NR3C1: variants seen among roughly 807,000 people sequenced by gnomAD.
NR3C1 encodes glucocorticoid receptor.
Under a neutral mutation model 74.0 loss-of-function variants are expected in NR3C1, and 14 were observed. The observed-to-expected ratio is 0.19, with a 90% confidence interval of 0.12 to 0.30. NR3C1 has a LOEUF of 0.30. NR3C1 is among the 10% of genes least tolerant of loss of function. NR3C1 has a pLI of 1.00. For missense variants in NR3C1, 695 were observed against 909.8 expected (o/e 0.76, Z 3.04); for synonymous variants, 308 against 332.5 (o/e 0.93, Z 0.80).
At chr5:143,431,194 G>C (rs570775057) in intron 1 of NR3C1, among the ~76,000 whole-genome samples, 1 of 152,220 alleles carries the variant, frequency 6.6e-6, no homozygotes, top group South Asian at 2.1e-4. Context: ...AGCTTCTGGG[G>C]AGAGAGATGG....
chr5:143,399,620 T>TG (rs779836105), intron 2 of NR3C1, 36 bp downstream of exon 2: 1 of 1,398,718 alleles, frequency 7.1e-7, no homozygotes, highest in South Asian at 1.2e-5. Flanking sequence ...ACCTTAAATG[T>TG]ACCATTCTTA....
intron 2 of NR3C1, among the ~76,000 whole-genome samples, chr5:143,384,518 C>T (rs893022398): frequency 6.6e-6 from 1 of 152,182 alleles, no homozygotes; most frequent in Non-Finnish European, 1.5e-5. Context: ...GGGATACAGG[C>T]ATTGGGTAAA....
chr5:143,337,608 A>C (rs1827389298), intron 2 of NR3C1, among the ~76,000 whole-genome samples: 2 of 152,254 alleles, frequency 1.3e-5, no homozygotes, highest in Admixed American at 1.3e-4. Context: ...TGATTTATAA[A>C]CATCCATATA....
At chr5:143,392,617 A>G (rs1302572107) in intron 2 of NR3C1, among the ~76,000 whole-genome samples, 1 of 152,176 alleles carries the variant, frequency 6.6e-6, no homozygotes, top group African/African-American at 2.4e-5. Flanking sequence ...ATATTGACAG[A>G]ATTGAGACTT....
chr5:143,425,083 A>G (rs1468708123), intron 1 of NR3C1, among the ~76,000 whole-genome samples: 2 of 152,178 alleles, frequency 1.3e-5, no homozygotes, highest in African/African-American at 4.8e-5. Flanking sequence ...GAGTCCAGAA[A>G]CCCATATGCC....
At chr5:143,324,827 C>G (rs1824207574) in intron 2 of NR3C1, among the ~76,000 whole-genome samples, 1 of 152,168 alleles carries the variant, frequency 6.6e-6, no homozygotes, top group Non-Finnish European at 1.5e-5. Context: ...TCATCTCTCT[C>G]AAGTTCAAAG....
chr5:143,318,007 G>T (rs1200864781), intron 2 of NR3C1, among the ~76,000 whole-genome samples: 1 of 152,144 alleles, frequency 6.6e-6, no homozygotes, highest in African/African-American at 2.4e-5. Flanking sequence ...TGTGACAGTG[G>T]CTAGCTGACT....
Position 143,300,805 on chromosome 5 carries a change from G to A in NR3C1, c.1469-42C>T. 6.4e-7 allele frequency: 1 copy of A among 1,570,054 alleles called. No homozygotes were observed. The highest frequency in any genetic ancestry group is 8.8e-7 in the Non-Finnish European group (1 of 1,142,532). ...AAATACATAGAAATGAACTGTAATG[G>A]GAAGGTCTGCGCTACACAGTTTATT... On this transcript the variant is annotated intron_variant, in intron 4 of 8. Transcript: ENST00000394464. The surrounding 1 kb of genome is among the most constrained non-coding windows in gnomAD (Gnocchi z 5.2).
chr5:143,403,745 G>A (rs1840808359), upstream of NR3C1: 2 of 984,690 alleles, frequency 2.0e-6, no homozygotes, highest in Non-Finnish European at 1.2e-6. Context: ...GCCGCTCCCC[G>A]CCCGAGGGGC....
chr5:143,359,990 T>C (rs1422699165), intron 2 of NR3C1, among the ~76,000 whole-genome samples: 1 of 152,236 alleles, frequency 6.6e-6, no homozygotes, highest in Non-Finnish European at 1.5e-5. Flanking sequence ...AACCCATTTC[T>C]GAATTTCAAA....
intron 4 of NR3C1, among the ~76,000 whole-genome samples, chr5:143,309,314 G>A (rs1356294527): frequency 2.0e-5 from 3 of 152,066 alleles, no homozygotes; most frequent in East Asian, 1.9e-4. Context: ...CTCGTGATCC[G>A]CCTGCCTTGG....
At chr5:143,431,101 C>G (rs1354105452) in intron 1 of NR3C1, among the ~76,000 whole-genome samples, 4 of 151,974 alleles carry the variant, frequency 2.6e-5, no homozygotes, top group African/African-American at 9.7e-5. Flanking sequence ...CTGTTTGGTC[C>G]CTTTCTGGGG....
chr5:143,347,138 A>C (rs1226204368), intron 2 of NR3C1, among the ~76,000 whole-genome samples: 2 of 152,254 alleles, frequency 1.3e-5, no homozygotes, highest in Non-Finnish European at 2.9e-5. Flanking sequence ...TCAAATGTTC[A>C]AATATTCAGA....
chr5:143,348,254 T>C (rs1462021665), intron 2 of NR3C1, among the ~76,000 whole-genome samples: 2 of 152,218 alleles, frequency 1.3e-5, no homozygotes, highest in African/African-American at 4.8e-5. Flanking sequence ...AATGAAACTA[T>C]AAACTACAAC....
At chr5:143,333,596 T>A (rs1826463670) in intron 2 of NR3C1, among the ~76,000 whole-genome samples, 2 of 152,026 alleles carry the variant, frequency 1.3e-5, no homozygotes, top group South Asian at 4.1e-4. Context: ...GGTGAAACCC[T>A]GTCTCTACTA....
At chr5:143,289,442 T>C (rs977806734) in intron 7 of NR3C1, among the ~76,000 whole-genome samples, 7 of 152,206 alleles carry the variant, frequency 4.6e-5, no homozygotes, top group African/African-American at 1.2e-4. Flanking sequence ...TACTTAAGCA[T>C]GTGAGCTGAA....
chr5:143,402,645 G>C (rs1484199102), intron 1 of NR3C1: 2 of 985,414 alleles, frequency 2.0e-6, no homozygotes, highest in Non-Finnish European at 2.4e-6. Flanking sequence ...AACAGATAAC[G>C]CCGGCCCCGG....
chr5:143,402,222 T>C (rs1482745508), intron 1 of NR3C1, among the ~76,000 whole-genome samples: 1 of 152,218 alleles, frequency 6.6e-6, no homozygotes, highest in Admixed American at 6.5e-5. Flanking sequence ...TGAATTTCCA[T>C]GCCGCTTTTT....
At chr5:143,414,855 A>C (rs1190341477) in intron 1 of NR3C1, among the ~76,000 whole-genome samples, 1 of 152,236 alleles carries the variant, frequency 6.6e-6, no homozygotes, top group Non-Finnish European at 1.5e-5. Context: ...CTTTCTTATT[A>C]GAAGTAATGC....
Sources: gnomAD v4.1 joint callset for allele counts (sites outside exome capture counted in the v4.1 genomes callset) on GRCh38, gnomAD v4.1.1 for gene constraint, Gnocchi (gnomAD v3.1) non-coding constraint, MANE v1.5 for transcripts, NCBI Gene and HGNC (gene_info 2026-07-23, HGNC 2026-07-21) for gene names.